AGO3: variants seen among roughly 807,000 people sequenced by gnomAD.
The protein encoded by AGO3 is argonaute RISC catalytic component 3.
A neutral mutation model predicts 105.5 loss-of-function variants in AGO3; 16 were observed. The ratio of observed to expected loss-of-function variants is 0.15; its 90% CI spans 0.10 to 0.23. The LOEUF (loss-of-function observed/expected upper bound fraction) is 0.23, where lower values mean the gene tolerates loss of function less well. Ranked by LOEUF, AGO3 falls within the 10% of genes least tolerant of loss-of-function variation. The probability of loss-of-function intolerance (pLI) is 1.00; values close to 1 mark genes in which losing one functional copy is unlikely to be tolerated. For synonymous variants in AGO3, 340 were observed against 367.3 expected (o/e 0.93, Z 0.85); for missense variants, 534 against 1,088.0 (o/e 0.49, Z 7.16).
In AGO3 at chr1:36,061,522, A is replaced by T. The variant is rs567217851; in HGVS notation, c.*5777A>T. ...GATAGAAGGATGGTAAATTCAATATAGAGGGTTGAGATTTACCAGTGAGAA... is the reference window on the plus strand; with the variant it reads ...GATAGAAGGATGGTAAATTCAATATTGAGGGTTGAGATTTACCAGTGAGAA... On this transcript the variant is annotated 3_prime_UTR_variant, in exon 19 of 19. Coordinates refer to ENST00000373191, the MANE Select transcript of AGO3 (RefSeq NM_024852.4). 3.9e-5 allele frequency: 6 copies of T among 152,348 alleles called. No individual in the cohort carries two copies. The highest frequency in any genetic ancestry group is 1.4e-4 in the African/African-American group (6 of 41,582). The allele number at this position is 152,348 out of a possible 1,614,324, so 9.4% of individuals were successfully genotyped here.
intron 1 of AGO3, among the ~76,000 whole-genome samples, chr1:35,937,286 C>T (rs1425823794): frequency 6.6e-6 from 1 of 150,888 alleles, no homozygotes; most frequent in Admixed American, 6.6e-5. Context: ...GCCTGTAATA[C>T]CCGCTACTCG....
intron 5 of AGO3, among the ~76,000 whole-genome samples, chr1:35,976,498 T>C (rs1470714581): frequency 6.6e-6 from 1 of 152,210 alleles, no homozygotes; most frequent in Admixed American, 6.5e-5. Context: ...TTTATCAGAT[T>C]ATATAGACTA....
At chr1:35,995,011 C>T (rs571788454) in intron 5 of AGO3, among the ~76,000 whole-genome samples, 1 of 151,616 alleles carries the variant, frequency 6.6e-6, no homozygotes, top group South Asian at 2.1e-4. Flanking sequence ...CCAGCCTGGG[C>T]AACACGGTGA....
intron 2 of AGO3, 145 bp downstream of exon 2, chr1:35,946,008 T>G (rs939904261): frequency 2.4e-6 from 2 of 836,870 alleles, no homozygotes; most frequent in Non-Finnish European, 3.5e-6. Flanking sequence ...CTGATTGTAC[T>G]TCAGGGGTGT....
At chr1:36,054,195 CAAT>C (rs1642836766) in intron 17 of AGO3, among the ~76,000 whole-genome samples, 1 of 152,100 alleles carries the variant, frequency 6.6e-6, no homozygotes, top group African/African-American at 2.4e-5. Flanking sequence ...AGCAAATAAC[CAAT>C]AATATTTCAC....
At chr1:36,017,645 A>C (rs1640974214) in intron 11 of AGO3, among the ~76,000 whole-genome samples, 1 of 152,170 alleles carries the variant, frequency 6.6e-6, no homozygotes, top group Non-Finnish European at 1.5e-5. Context: ...TCACACCTGT[A>C]ATCTGCAATC....
In AGO3 at chr1:36,027,403, A is replaced by G. The variant is rs1641552521; in HGVS notation, c.1591+105A>G. ...TTCAAATATTAAAATATATTTTATG[A>G]TACAGTATTTAAAACCATGTATTAT... On this transcript the variant is annotated intron_variant, in intron 12 of 18. Coordinates refer to ENST00000373191, the MANE Select transcript of AGO3 (RefSeq NM_024852.4). The surrounding 1 kb of genome is among the most constrained non-coding windows in gnomAD (Gnocchi z 4.0). 1 of 1,109,440 alleles carries G rather than the reference A, an allele frequency of 9.0e-7. No homozygotes were observed. Among genetic ancestry groups the G allele is most frequent in the African/African-American group, 1.6e-5 (1 of 63,510 alleles). 68.7% of individuals were successfully genotyped at this position (1,109,440 alleles called of 1,614,324 possible).
chr1:35,996,420 T>C (rs893247636), intron 5 of AGO3, among the ~76,000 whole-genome samples: 1 of 151,700 alleles, frequency 6.6e-6, no homozygotes, highest in African/African-American at 2.4e-5. Flanking sequence ...ATGAAAATTG[T>C]ACATAACTCA....
At chr1:36,021,224 G>A (rs913478525) in intron 11 of AGO3, among the ~76,000 whole-genome samples, 4 of 152,132 alleles carry the variant, frequency 2.6e-5, no homozygotes, top group East Asian at 1.9e-4. Context: ...GAACCACTGC[G>A]CCCAGCCGCC....
chr1:35,933,622 C>T (rs536276437), intron 1 of AGO3, among the ~76,000 whole-genome samples: 39 of 112,622 alleles, frequency 3.5e-4, no homozygotes, highest in African/African-American at 1.4e-3. Context: ...GCCTGGGTGA[C>T]GGAGCAAGAC....
intron 11 of AGO3, among the ~76,000 whole-genome samples, chr1:36,021,134 A>G (rs749024171): frequency 1.3e-5 from 2 of 151,276 alleles, no homozygotes; most frequent in East Asian, 3.9e-4. Context: ...GGGTTTCATC[A>G]TGTTGGCCAG....
chr1:36,005,723 TACAAGATGTACAGA>T, intron 6 of AGO3: 1 of 985,218 alleles, frequency 1.0e-6, no homozygotes, highest in Non-Finnish European at 1.2e-6. Context: ...TCACAGAAAA[TACAAGATGTACAGA>T]ACAAGGATTC....
intron 5 of AGO3, chr1:35,983,132 G>A (rs897653942): frequency 5.9e-5 from 9 of 153,212 alleles, no homozygotes; most frequent in African/African-American, 2.2e-4. Context: ...AATTGAATCA[G>A]GCCCATCCAC....
At position 35,952,965 on chromosome 1, in the gene AGO3, A is replaced by G. The variant is rs148306788; in HGVS notation, c.191+7102A>G. 2.3e-3 allele frequency among the ~76,000 whole-genome samples: 356 copies of G among 152,332 alleles called. 1 individual carries two copies. Among genetic ancestry groups the G allele is most frequent in the African/African-American group, 8.1e-3 (338 of 41,556 alleles). On this transcript the variant is annotated intron_variant, in intron 2 of 18. Transcript: ENST00000373191. ...TTTGTTTATCCATCATTTGATGGACATTTGGGTTGTTGCCATTTTTGACTA... is the reference window on the plus strand; with the variant it reads ...TTTGTTTATCCATCATTTGATGGACGTTTGGGTTGTTGCCATTTTTGACTA...
chr1:35,954,514 C>T (rs1216724440), intron 2 of AGO3, among the ~76,000 whole-genome samples: 1 of 152,094 alleles, frequency 6.6e-6, no homozygotes, highest in Non-Finnish European at 1.5e-5. Context: ...CTATTTAAAC[C>T]ATTTATCTGA....
intron 1 of AGO3, among the ~76,000 whole-genome samples, chr1:35,935,832 C>T (rs1347355995): frequency 2.0e-5 from 3 of 152,154 alleles, no homozygotes; most frequent in African/African-American, 7.2e-5. Context: ...ATTAATCTAA[C>T]AAAACATATT....
intron 17 of AGO3, among the ~76,000 whole-genome samples, chr1:36,048,371 C>T (rs745752941): frequency 1.3e-5 from 2 of 151,886 alleles, no homozygotes; most frequent in Admixed American, 6.6e-5. Flanking sequence ...ATAGTATTTC[C>T]GAGACATGCA....
Position 36,061,629 on chromosome 1 carries a change from T to C in AGO3, c.*5884T>C, listed in dbSNP as rs937070814. On this transcript the variant is annotated 3_prime_UTR_variant, in exon 19 of 19. Coordinates refer to ENST00000373191, the MANE Select transcript of AGO3 (RefSeq NM_024852.4). ...CTATCCAGCCATCGGGGTCCCTTCC[T>C]TTTTTAGACTAATTTCTAAGGTAAC... 10 of 152,178 alleles carry C rather than the reference T, an allele frequency of 6.6e-5. No homozygotes were observed. The highest frequency in any genetic ancestry group is 5.9e-5 in the Non-Finnish European group (4 of 68,024). The allele number at this position is 152,178 out of a possible 1,614,324, so 9.4% of individuals were successfully genotyped here.
At position 35,989,953 on chromosome 1, in the gene AGO3, T is replaced by C. The variant is rs141934924; in HGVS notation, c.659-14388T>C. On this transcript the variant is annotated intron_variant, in intron 5 of 18. Transcript: ENST00000373191. The stretch of plus-strand genomic sequence containing the variant: ...CCCTTAAGATGTTATTTACCTCTTA[T>C]TATGTACCAGATAGAATGCTAAGCA... 1.4e-3 allele frequency among the ~76,000 whole-genome samples: 208 copies of C among 152,322 alleles called. 2 individuals are homozygous for C. Among genetic ancestry groups the C allele is most frequent in the Admixed American group, 5.6e-3 (85 of 15,296 alleles).
Sources: gnomAD v4.1 joint callset for allele counts (sites outside exome capture counted in the v4.1 genomes callset) on GRCh38, gnomAD v4.1.1 for gene constraint, Gnocchi (gnomAD v3.1) non-coding constraint, MANE v1.5 for transcripts, NCBI Gene and HGNC (gene_info 2026-07-23, HGNC 2026-07-21) for gene names.